The following BSN variants were observed in gnomAD, a reference collection of about 807,000 sequenced individuals.
The protein encoded by BSN is bassoon presynaptic cytomatrix protein.
In BSN, 57 loss-of-function variants were observed where a neutral mutation model predicts 264.8. The ratio of observed to expected loss-of-function variants is 0.22; its 90% CI spans 0.17 to 0.27. BSN has a LOEUF of 0.27. Ranked by LOEUF, BSN falls within the 10% of genes least tolerant of loss-of-function variation. The pLI is 1.00. For missense variants in BSN, 4,615 were observed against 5,232.5 expected (o/e 0.88, Z 3.64); for synonymous variants, 2,059 against 2,137.3 (o/e 0.96, Z 1.01).
rs2052684981 is a variant in BSN, at chr3:49,663,582, G to A, written c.11424G>A (p.Arg3808=). 3 of 1,606,428 alleles carry A rather than the reference G, an allele frequency of 1.9e-6. No individual in the cohort carries two copies. The highest frequency in any genetic ancestry group is 1.3e-5 in the African/African-American group (1 of 74,886). Reference sequence around the variant, plus strand: ...AGCAACAGAGCCAGCCAACCACCCGGGGCTCAGCCCCTGCTGCCAGCCAGC... The same window carrying A: ...AGCAACAGAGCCAGCCAACCACCCGAGGCTCAGCCCCTGCTGCCAGCCAGC... ...RLQQQSQPTT[R]GSAPAASQPA... Residue 3808 remains arginine, a synonymous_variant, in exon 7 of 12, where the codon CGG becomes CGA. Transcript: ENST00000296452.
In BSN at chr3:49,670,347, C is replaced by T. The variant is rs1426543639; in HGVS notation, c.*2862C>T. 1 of 152,256 alleles carries T rather than the reference C, an allele frequency of 6.6e-6. No individual in the cohort carries two copies. Among genetic ancestry groups the T allele is most frequent in the African/African-American group, 2.4e-5 (1 of 41,456 alleles). The allele number at this position is 152,256 out of a possible 1,614,324, so 9.4% of individuals were successfully genotyped here. ...AACAGGCAGGGAAATGTTAGGAGGT[C>T]AGCCTCCAGCAGGCCTAGTCTCAGG... On this transcript the variant is annotated 3_prime_UTR_variant, in exon 12 of 12. Transcript: ENST00000296452.
Position 49,605,599 on chromosome 3 carries a change from AT to A in BSN, c.225-19375del, listed in dbSNP as rs1394161982. On this transcript the variant is annotated intron_variant, in intron 1 of 11. Transcript: ENST00000296452. ...TATATATTATATATTTATATATAAT[AT>A]ATATTATATATTATATATAAATATA... 6.2e-4 allele frequency among the ~76,000 whole-genome samples: 18 copies of A among 29,140 alleles called. 2 individuals are homozygous for A. Among genetic ancestry groups the A allele is most frequent in the African/African-American group, 2.6e-3 (18 of 6,852 alleles). The allele number at this position is 29,140 out of a possible 152,430, so 19.1% of individuals were successfully genotyped here.
At chr3:49,588,969 C>T (rs1478754904) in intron 1 of BSN, among the ~76,000 whole-genome samples, 1 of 149,978 alleles carries the variant, frequency 6.7e-6, no homozygotes, top group African/African-American at 2.5e-5. Context: ...GGCTGGAGTG[C>T]AGTGGCGCGA....
In BSN at chr3:49,662,882, A is replaced by T; in HGVS notation, c.10724A>T (p.His3575Leu). Residue 3575 changes from histidine (H) to leucine (L), a missense_variant, in exon 7 of 12, where the codon CAC (histidine) becomes CTC (leucine). Coordinates refer to ENST00000296452, the MANE Select transcript of BSN (RefSeq NM_003458.4). ...HCVVSDSEAY[H>L]LGQEETDWFD... ...CTGTTTTTGGTCTCTGAAGCGTATC[A>T]CCTGGGCCAGGAGGAGACGGACTGG... 1 of 1,572,478 alleles carries T rather than the reference A, an allele frequency of 6.4e-7. No homozygotes were observed.
chr3:49,616,243 TGA>T (rs1213675890), intron 1 of BSN, among the ~76,000 whole-genome samples: 5 of 152,232 alleles, frequency 3.3e-5, no homozygotes. Context: ...TATCCATTCC[TGA>T]GAGAGAAGCT....
rs71080542 is a variant in BSN at position 49,624,300 on chromosome 3, CTTTTT to C, written c.225-662_225-658del. On this transcript the variant is annotated intron_variant, in intron 1 of 11. Coordinates refer to ENST00000296452, the MANE Select transcript of BSN (RefSeq NM_003458.4). ...CCAGGCGTGAGCCAACGTGCCCAGC[CTTTTT>C]TTTTTTTTTTTTAGACAGGGTCTCA... is the stretch of plus-strand genomic sequence containing the variant. Among the ~76,000 whole-genome samples the C allele has an allele frequency of 4.5e-5, 3 of 67,190 alleles. No individual in the cohort carries two copies. The Admixed American group carries it at 7.2e-4, about 16-fold the overall frequency. 44.1% of individuals were successfully genotyped at this position (67,190 alleles called of 152,430 possible).
Position 49,642,007 on chromosome 3 carries a change from G to A in BSN, c.634-261G>A, listed in dbSNP as rs1288121879. ...GAGGACTCTCAAGCAGGAGGGTCTG[G>A]CAGGCAGTGAGTTGGTGGTTGGGGT... is the stretch of plus-strand genomic sequence containing the variant. On this transcript the variant is annotated intron_variant, in intron 2 of 11. Coordinates refer to ENST00000296452, the MANE Select transcript of BSN (RefSeq NM_003458.4). This position sits in a 1 kb window ranked among gnomAD's most constrained non-coding sequence, Gnocchi z 7.0. Among the ~76,000 whole-genome samples the A allele has an allele frequency of 6.6e-6, 1 of 151,342 alleles. No individual in the cohort carries two copies. The highest frequency in any genetic ancestry group is 1.5e-5 in the Non-Finnish European group (1 of 67,828).
chr3:49,671,973 C>T (rs2052775436), downstream of BSN, among the ~76,000 whole-genome samples: 1 of 151,666 alleles, frequency 6.6e-6, no homozygotes, highest in Admixed American at 6.6e-5. The surrounding 1 kb of genome is among the most constrained non-coding windows in gnomAD (Gnocchi z 4.1). Context: ...CTTAGGCCTT[C>T]CTCAGATGGT....
At chr3:49,569,312 G>A (rs1288028816) in intron 1 of BSN, among the ~76,000 whole-genome samples, 1 of 152,194 alleles carries the variant, frequency 6.6e-6, no homozygotes, top group African/African-American at 2.4e-5. Flanking sequence ...AGATAAGGGA[G>A]AGGAGGAAAT....
chr3:49,653,451 G>T lies in BSN; in HGVS notation c.3895G>T (p.Asp1299Tyr), dbSNP rs374448102. Residue 1299 changes from aspartate (D) to tyrosine (Y), a missense_variant, in exon 5 of 12, where the codon GAC (aspartate) becomes TAC (tyrosine). Physicochemically the swap from Asp to Tyr is radical, Grantham distance 160 (BLOSUM62 -3). Coordinates refer to ENST00000296452, the MANE Select transcript of BSN (RefSeq NM_003458.4). The surrounding 1 kb of genome is among the most constrained non-coding windows in gnomAD (Gnocchi z 6.3). ...TCTAAATGCTGAGAGTGCATACATG[G>T]ACCCAATGAAGCAAAATGGTGGCCC... ...QFLNAESAYMDPMKQNGGPLT... is the reference protein window; with the variant it reads ...QFLNAESAYMYPMKQNGGPLT... 1.2e-6 allele frequency: 2 copies of T among 1,614,004 alleles called. No homozygotes were observed. The highest frequency in any genetic ancestry group is 1.7e-6 in the Non-Finnish European group (2 of 1,179,988).
At chr3:49,564,557 T>A (rs2051738969) in intron 1 of BSN, among the ~76,000 whole-genome samples, 1 of 152,184 alleles carries the variant, frequency 6.6e-6, no homozygotes, top group African/African-American at 2.4e-5. Context: ...GTGAGCCTAC[T>A]TTCTAAACCC....
rs755104263 is a variant in BSN, at chr3:49,660,852, C to T, written c.9007C>T (p.Arg3003Cys). The T allele has an allele frequency of 5.0e-6, 8 of 1,613,126 alleles. No homozygotes were observed. Among genetic ancestry groups the T allele is most frequent in the Admixed American group, 1.7e-5 (1 of 60,012 alleles). The change falls in exon 6 of 12, where the codon CGT becomes TGT. Residue 3003 changes from arginine (R) to cysteine (C), a missense_variant. Around this residue, in one of 3 missense-constraint regions of BSN, gnomAD observed 3,415 missense variants for 3,866.4 expected, o/e 0.88. Transcript: ENST00000296452. The surrounding 1 kb of genome is among the most constrained non-coding windows in gnomAD (Gnocchi z 7.1). ...DRGGRDYPPL[R>C]GLGEHRDYLS... ...GGGTGGCCGTGACTACCCACCCTTG[C>T]GTGGTCTTGGCGAGCATCGTGACTA... is the stretch of plus-strand genomic sequence containing the variant.
intron 1 of BSN, among the ~76,000 whole-genome samples, chr3:49,620,566 G>A: frequency 6.6e-6 from 1 of 152,242 alleles, no homozygotes; most frequent in East Asian, 1.9e-4. Flanking sequence ...TGAGGCCAGA[G>A]GGAAAGGGGC....
chr3:49,554,940 C>G (rs2051653690), intron 1 of BSN, 114 bp downstream of exon 1: 1 of 589,806 alleles, frequency 1.7e-6, no homozygotes. Context: ...CGGCCGCACT[C>G]TGAACCCTGC....
chr3:49,603,131 C>T (rs1396477867), intron 1 of BSN, among the ~76,000 whole-genome samples: 3 of 146,888 alleles, frequency 2.0e-5, no homozygotes, highest in Non-Finnish European at 4.4e-5. Context: ...TCAAGTCATG[C>T]CCCTCCACTG....
intron 1 of BSN, among the ~76,000 whole-genome samples, chr3:49,621,863 C>T (rs924542485): frequency 6.6e-6 from 1 of 152,142 alleles, no homozygotes; most frequent in African/African-American, 2.4e-5. Context: ...TATGACTTGG[C>T]AACCTGGCAA....
intron 1 of BSN, among the ~76,000 whole-genome samples, chr3:49,610,657 A>ATATTAGCT (rs1360895514): frequency 2.0e-5 from 3 of 151,244 alleles, no homozygotes; most frequent in Non-Finnish European, 4.4e-5. Flanking sequence ...GGATGAATAG[A>ATATTAGCT]TATTAGCTTG....
In BSN at chr3:49,651,692, G is replaced by A. The variant is rs767031828; in HGVS notation, c.2136G>A (p.Gly712=). The A allele has an allele frequency of 1.9e-5, 31 of 1,614,056 alleles. No individual in the cohort carries two copies. The highest frequency in any genetic ancestry group is 2.5e-5 in the Non-Finnish European group (30 of 1,180,016). ...AGGTGGAACAGCTGGACAGTGCAGG[G>A]GTGACAGGGCCACATCCACCCAGCC... ...QQEVEQLDSA[G]VTGPHPPSPS... Residue 712 remains glycine (G), a synonymous_variant, in exon 5 of 12, where the codon GGG becomes GGA. Transcript: ENST00000296452. The surrounding 1 kb of genome is among the most constrained non-coding windows in gnomAD (Gnocchi z 5.4).
At chr3:49,587,887 T>TTTTTCTTTTCTTTTCTTTTCTTTTC (rs58072178) in intron 1 of BSN, among the ~76,000 whole-genome samples, 13,073 of 121,358 alleles carry the variant, frequency 0.11, 1,170 homozygotes, top group South Asian at 0.13. Flanking sequence ...AAAGTTGGGG[T>TTTTTCTTTTCTTTTCTTTTCTTTTC]TTTTCTTTTC....
Sources: allele counts gnomAD v4.1 joint callset (sites outside exome capture counted in the v4.1 genomes callset), GRCh38; gene constraint gnomAD v4.1.1; regional missense constraint gnomAD v4.1.1; non-coding constraint Gnocchi (gnomAD v3.1); transcripts MANE v1.5; gene names NCBI Gene and HGNC (gene_info 2026-07-23, HGNC 2026-07-21).